EGFR: variants seen among roughly 807,000 people sequenced by gnomAD.
EGFR encodes the protein avian erythroblastic leukemia viral (v-erb-b) oncogene homolog.
EGFR carries 58 observed loss-of-function variants against 143.0 expected under a neutral mutation model. The observed-to-expected ratio is 0.41, with a 90% CI of 0.33 to 0.50. EGFR has a LOEUF of 0.50. EGFR is among the 20% of genes least tolerant of loss of function. The probability of loss-of-function intolerance (pLI) is 0.39; values close to 1 mark genes in which losing one functional copy is unlikely to be tolerated. For missense variants in EGFR, 1,307 were observed against 1,579.0 expected, an observed-to-expected ratio of 0.83 and a Z score of 2.92; for synonymous variants, 613 against 594.4, an observed-to-expected ratio of 1.03 and a Z score of -0.45.
At chr7:55,052,356 A>T (rs1434391059) in intron 1 of EGFR, among the ~76,000 whole-genome samples, 1 of 152,188 alleles carries the variant, frequency 6.6e-6, no homozygotes, top group African/African-American at 2.4e-5. Context: ...TCAGGAGATG[A>T]TGCATCCACA....
intron 3 of EGFR, among the ~76,000 whole-genome samples, chr7:55,145,575 C>A (rs1224401323): frequency 6.6e-6 from 1 of 152,186 alleles, no homozygotes; most frequent in Non-Finnish European, 1.5e-5. Flanking sequence ...TTCCTAGCAG[C>A]CTCCAGGATC....
chr7:55,128,636 G>T (rs1010680263), intron 1 of EGFR, among the ~76,000 whole-genome samples: 1 of 152,150 alleles, frequency 6.6e-6, no homozygotes, highest in Non-Finnish European at 1.5e-5. Context: ...ATCTTTTCTT[G>T]TCTAGTATTC....
intron 1 of EGFR, among the ~76,000 whole-genome samples, chr7:55,032,737 C>T (rs1181965048): frequency 6.6e-6 from 1 of 152,150 alleles, no homozygotes; most frequent in East Asian, 1.9e-4. Flanking sequence ...AGTTGATTCT[C>T]CTAACAAATC....
chr7:55,123,140 T>C (rs1238123617), intron 1 of EGFR, among the ~76,000 whole-genome samples: 8 of 152,258 alleles, frequency 5.3e-5, no homozygotes, highest in Non-Finnish European at 1.0e-4. Flanking sequence ...TTGAAAATCA[T>C]CTACCTAATT....
At chr7:55,183,233 AAGAG>A (rs1006826319) in intron 20 of EGFR, among the ~76,000 whole-genome samples, 3 of 152,154 alleles carry the variant, frequency 2.0e-5, no homozygotes, top group Non-Finnish European at 4.4e-5. Flanking sequence ...GAAAATTGCT[AAGAG>A]AGTCTGTTGT....
chr7:55,075,101 C>T (rs1161552555), intron 1 of EGFR, among the ~76,000 whole-genome samples: 1 of 151,968 alleles, frequency 6.6e-6, no homozygotes, highest in African/African-American at 2.4e-5. Flanking sequence ...TAGCCCAGAC[C>T]ATCAGTGGGC....
At chr7:55,020,962 A>T (rs942577635) in intron 1 of EGFR, among the ~76,000 whole-genome samples, 1 of 151,946 alleles carries the variant, frequency 6.6e-6, no homozygotes, top group Non-Finnish European at 1.5e-5. Flanking sequence ...GCATGGGGCA[A>T]GACCTGGACT....
chr7:55,157,172 C>T (rs1311736599), intron 10 of EGFR, among the ~76,000 whole-genome samples: 2 of 152,222 alleles, frequency 1.3e-5, no homozygotes, highest in Admixed American at 6.5e-5. Context: ...AAACTGGACG[C>T]CAGAGCCTTG....
chr7:55,154,066 T>C lies in EGFR; in HGVS notation c.803T>C (p.Met268Thr), dbSNP rs1483973439. The C allele has an allele frequency of 6.2e-7, 1 of 1,614,174 alleles. No individual in the cohort carries two copies. The highest frequency in any genetic ancestry group is 8.5e-7 in the Non-Finnish European group (1 of 1,180,022). The change falls in exon 7 of 28, where the codon ATG becomes ACG. Residue 268 changes from methionine (M) to threonine (T), a missense_variant. Transcript: ENST00000275493. The stretch of plus-strand genomic sequence containing the variant: ...TGCAAGGACACCTGCCCCCCACTCA[T>C]GCTCTACAACCCCACCACGTACCAG... ...ATCKDTCPPL[M>T]LYNPTTYQMD...
intron 1 of EGFR, among the ~76,000 whole-genome samples, chr7:55,030,155 A>G (rs1787167142): frequency 1.3e-5 from 2 of 152,184 alleles, no homozygotes. Context: ...GCTACACAGC[A>G]CTGTCTCTCA....
rs749366503 is a variant in EGFR at position 55,156,674 on chromosome 7, C to G, written c.1133+15C>G. The G allele has an allele frequency of 5.6e-6, 9 of 1,614,106 alleles. No homozygotes were observed. ...GCATTTAGGGGGTGAGTCACAGGTT[C>G]AGTTGCTTGTATAAAGAAAAACAAA... On this transcript the variant is annotated intron_variant, in intron 9 of 27. Transcript: ENST00000275493.
chr7:55,060,760 A>C (rs968449837), intron 1 of EGFR, among the ~76,000 whole-genome samples: 1 of 152,146 alleles, frequency 6.6e-6, no homozygotes, highest in African/African-American at 2.4e-5. Flanking sequence ...TTCCCTGTGA[A>C]AGGGTATGAG....
intron 1 of EGFR, among the ~76,000 whole-genome samples, chr7:55,033,158 A>G (rs1787359722): frequency 6.6e-6 from 1 of 152,238 alleles, no homozygotes; most frequent in Non-Finnish European, 1.5e-5. Context: ...TTTATTCTAG[A>G]AAAAGCAGCA....
intron 3 of EGFR, among the ~76,000 whole-genome samples, chr7:55,146,217 A>G (rs997309149): frequency 6.6e-6 from 1 of 151,800 alleles, no homozygotes; most frequent in Non-Finnish European, 1.5e-5. Context: ...GGGCTGTAGC[A>G]CTCAGGAACT....
intron 1 of EGFR, among the ~76,000 whole-genome samples, chr7:55,123,130 T>C (rs1793310577): frequency 6.6e-6 from 1 of 152,354 alleles, no homozygotes; most frequent in East Asian, 1.9e-4. Flanking sequence ...ATAGAAGATA[T>C]TGAAAATCAT....
intron 1 of EGFR, among the ~76,000 whole-genome samples, chr7:55,060,714 T>C (rs1789116046): frequency 1.3e-5 from 2 of 152,196 alleles, no homozygotes; most frequent in African/African-American, 4.8e-5. Flanking sequence ...AGCATGTAGA[T>C]GGCTATTTGG....
chr7:55,092,991 C>G (rs78751728), intron 1 of EGFR, among the ~76,000 whole-genome samples: 1 of 152,234 alleles, frequency 6.6e-6, no homozygotes, highest in Non-Finnish European at 1.5e-5. Context: ...GGACAGAGTT[C>G]ATGTAATTGG....
At chr7:55,066,392 C>A (rs1195088187) in intron 1 of EGFR, among the ~76,000 whole-genome samples, 1 of 152,098 alleles carries the variant, frequency 6.6e-6, no homozygotes, top group African/African-American at 2.4e-5. Context: ...TCCCCGGGAG[C>A]TGGTGCAAGC....
chr7:55,029,486 T>C (rs957276644), intron 1 of EGFR, among the ~76,000 whole-genome samples: 1 of 152,146 alleles, frequency 6.6e-6, no homozygotes, highest in Non-Finnish European at 1.5e-5. Flanking sequence ...TGAATTAGCC[T>C]TCACAGAGAA....
Sources: gnomAD v4.1 joint callset for allele counts (sites outside exome capture counted in the v4.1 genomes callset) on GRCh38, gnomAD v4.1.1 for gene constraint, MANE v1.5 for transcripts, NCBI Gene and HGNC (gene_info 2026-07-23, HGNC 2026-07-21) for gene names.